Variants in CADM2 observed in about 807,000 individuals in gnomAD.
The protein encoded by CADM2 is cell adhesion molecule 2.
A neutral mutation model predicts 49.8 loss-of-function variants in CADM2; 12 were observed. That is an observed-to-expected ratio of 0.24 (90% confidence interval 0.15 to 0.39). CADM2 has a LOEUF of 0.39. CADM2 is among the 10% of genes least tolerant of loss of function. The pLI is 1.00. For synonymous variants in CADM2, 214 were observed against 175.4 expected, an observed-to-expected ratio of 1.22 and a Z score of -1.74; for missense variants, 378 against 492.3, an observed-to-expected ratio of 0.77 and a Z score of 2.20.
At chr3:85,669,093 C>G (rs986874990) in intron 1 of CADM2, among the ~76,000 whole-genome samples, 1 of 152,052 alleles carries the variant, frequency 6.6e-6, no homozygotes, top group Admixed American at 6.6e-5. Flanking sequence ...AACTTGTTTA[C>G]TGTACCTGTT....
intron 1 of CADM2, among the ~76,000 whole-genome samples, chr3:85,655,676 G>T (rs772250249): frequency 1.3e-5 from 2 of 152,070 alleles, no homozygotes; most frequent in Non-Finnish European, 2.9e-5. Flanking sequence ...CTTCCTAAAA[G>T]CACACAGTTA....
At chr3:85,815,116 C>T (rs1355526559) in intron 3 of CADM2, among the ~76,000 whole-genome samples, 3 of 152,046 alleles carry the variant, frequency 2.0e-5, no homozygotes, top group African/African-American at 4.8e-5. Flanking sequence ...AGCCTACAAA[C>T]TGAAAAAGTC....
At chr3:85,684,398 A>C (rs1260568579) in intron 1 of CADM2, among the ~76,000 whole-genome samples, 1 of 152,042 alleles carries the variant, frequency 6.6e-6, no homozygotes, top group African/African-American at 2.4e-5. Context: ...CCTAAAGACA[A>C]CTAACTCCCT....
At position 85,189,050 on chromosome 3, in the gene CADM2, TAATA is replaced by T. The variant is rs1202755883; in HGVS notation, c.61+229393_61+229396del. ...CGTCTCAAAAAAATAATAATAGTAA[TAATA>T]AATAAATAAAATAAATAAATAAATA... On this transcript the variant is annotated intron_variant, in intron 1 of 9. Transcript: ENST00000383699. Among the ~76,000 whole-genome samples the T allele has an allele frequency of 3.9e-3, 487 of 126,446 alleles. 2 individuals are homozygous for T. The highest frequency in any genetic ancestry group is 0.012 in the African/African-American group (444 of 35,856). The allele number at this position is 126,446 out of a possible 152,430, so 83.0% of individuals were successfully genotyped here.
At position 85,419,406 on chromosome 3, in the gene CADM2, G is replaced by A. The variant is rs1002744683; in HGVS notation, c.62-307116G>A. Among the ~76,000 whole-genome samples, 6 of 151,922 alleles carry A rather than the reference G, an allele frequency of 3.9e-5. No homozygotes were observed. In the East Asian group the frequency reaches 9.7e-4, roughly 25 times the overall value. On this transcript the variant is annotated intron_variant, in intron 1 of 9. Coordinates refer to ENST00000383699, the MANE Select transcript of CADM2 (RefSeq NM_001167675.2). ...CCGGGAGGCGGAGCTTGCAGTGAGC[G>A]GAGATCGCGCCACTGCACTCCAGCC...
At chr3:85,779,641 C>A (rs1040197617) in intron 2 of CADM2, among the ~76,000 whole-genome samples, 7 of 152,110 alleles carry the variant, frequency 4.6e-5, no homozygotes, top group African/African-American at 1.4e-4. Context: ...AAACTACCTC[C>A]CACCAGGTTC....
rs2062354997 is a variant in CADM2 at position 85,568,453 on chromosome 3, T to TTTCTCTC, written c.62-158068_62-158067insTCTCTCT. On this transcript the variant is annotated intron_variant, in intron 1 of 9. Transcript: ENST00000383699. Reference sequence around the variant, plus strand: ...TTTCTTTCTTTCTTTCTTTCTTTCTTTCTTTCTTTCTCTTTCTCTCTCTTT... The same window carrying TTTCTCTC: ...TTTCTTTCTTTCTTTCTTTCTTTCTTTTCTCTCTCTTTCTTTCTCTTTCTCTCTCTTT... 8.7e-4 allele frequency among the ~76,000 whole-genome samples: 24 copies of TTTCTCTC among 27,526 alleles called. 1 individual carries two copies. Among genetic ancestry groups the TTTCTCTC allele is most frequent in the South Asian group, 2.6e-3 (2 of 772 alleles). 18.1% of individuals were successfully genotyped at this position (27,526 alleles called of 152,430 possible).
At chr3:85,111,394 C>T (rs1252720853) in intron 1 of CADM2, among the ~76,000 whole-genome samples, 1 of 151,792 alleles carries the variant, frequency 6.6e-6, no homozygotes, top group East Asian at 1.9e-4. Context: ...GTTTTGTAAT[C>T]TTTGCAATAT....
intron 1 of CADM2, among the ~76,000 whole-genome samples, chr3:85,612,425 A>G (rs1434199011): frequency 6.6e-6 from 1 of 151,788 alleles, no homozygotes; most frequent in African/African-American, 2.4e-5. Context: ...AAATAGTTGT[A>G]TTTTTATATT....
chr3:85,798,125 G>A (rs2071738956), intron 2 of CADM2, among the ~76,000 whole-genome samples: 1 of 150,560 alleles, frequency 6.6e-6, no homozygotes. Flanking sequence ...TTGTTTGTTT[G>A]TTTTGTAAAT....
intron 6 of CADM2, among the ~76,000 whole-genome samples, chr3:85,931,696 C>T (rs1245533304): frequency 6.6e-6 from 1 of 151,986 alleles, no homozygotes; most frequent in African/African-American, 2.4e-5. Context: ...AGCAAGGAAT[C>T]TCTCCAAAAT....
chr3:85,868,879 A>G (rs2075816685), intron 3 of CADM2, among the ~76,000 whole-genome samples: 1 of 152,094 alleles, frequency 6.6e-6, no homozygotes, highest in Non-Finnish European at 1.5e-5. Context: ...TTGGACTTGA[A>G]TTCTTTTGCA....
intron 3 of CADM2, among the ~76,000 whole-genome samples, chr3:85,855,602 C>T (rs376937112): frequency 4.6e-5 from 6 of 129,368 alleles, no homozygotes; most frequent in Admixed American, 7.8e-5. Context: ...ATATATAAAA[C>T]ATATATATAT....
intron 1 of CADM2, among the ~76,000 whole-genome samples, chr3:85,233,043 A>G (rs980404752): frequency 2.6e-5 from 4 of 152,200 alleles, no homozygotes; most frequent in African/African-American, 9.6e-5. Flanking sequence ...ATATAGTGGA[A>G]TATTACTTAT....
chr3:85,228,013 C>T (rs902695894), intron 1 of CADM2, among the ~76,000 whole-genome samples: 16 of 152,108 alleles, frequency 1.1e-4, no homozygotes, highest in Admixed American at 8.5e-4. Flanking sequence ...TTATGGGCTT[C>T]CCTTTGTGGG....
chr3:85,405,885 C>A (rs2035350367), intron 1 of CADM2, among the ~76,000 whole-genome samples: 2 of 150,802 alleles, frequency 1.3e-5, no homozygotes. Flanking sequence ...ATTCTAACAC[C>A]AGCCTGTGTG....
chr3:85,272,857 C>A (rs1366541503), intron 1 of CADM2, among the ~76,000 whole-genome samples: 1 of 151,208 alleles, frequency 6.6e-6, no homozygotes. Flanking sequence ...GTCAGAACTC[C>A]CTGCTTCACC....
At chr3:85,792,998 G>A (rs780390000) in intron 2 of CADM2, among the ~76,000 whole-genome samples, 4 of 152,008 alleles carry the variant, frequency 2.6e-5, no homozygotes, top group Admixed American at 2.0e-4. Flanking sequence ...GAACATTTGA[G>A]GGAGGGACAG....
chr3:85,556,752 T>C (rs565569813), intron 1 of CADM2, among the ~76,000 whole-genome samples: 1 of 152,284 alleles, frequency 6.6e-6, no homozygotes, highest in East Asian at 1.9e-4. Context: ...TTACTGATCA[T>C]TTTACAATGC....
Sources: gnomAD v4.1 joint callset for allele counts (sites outside exome capture counted in the v4.1 genomes callset) on GRCh38, gnomAD v4.1.1 for gene constraint, MANE v1.5 for transcripts, NCBI Gene and HGNC (gene_info 2026-07-23, HGNC 2026-07-21) for gene names.